The following SETD9 variants were observed in gnomAD, a reference collection of about 807,000 sequenced individuals.
The protein encoded by SETD9 is SET domain-containing protein 9.
Under a neutral mutation model 36.4 loss-of-function variants are expected in SETD9, and 37 were observed. The observed-to-expected ratio is 1.02, with a 90% CI of 0.78 to 1.34. The LOEUF is 1.34. Ranked by LOEUF, SETD9 falls within the 40% of genes most tolerant of loss-of-function variation. SETD9 has a pLI of 0.00. For synonymous variants in SETD9, 128 were observed against 132.9 expected (o/e 0.96, Z 0.26); for missense variants, 323 against 353.2 (o/e 0.91, Z 0.69).
chr5:56,923,946 T>C, intron 5 of SETD9: 1 of 1,614,138 alleles, frequency 6.2e-7, no homozygotes, highest in Non-Finnish European at 8.5e-7. Context: ...TATCTTTTTT[T>C]CCCAAATCTT....
In SETD9 at chr5:56,916,815, C is replaced by T. The variant is rs937473220; in HGVS notation, c.813C>T (p.Ser271=). ...CTTTTGTATATCTTTTTGTTTTCAG[C>T]CCACTTCGATGTGTTGTTCTTGTCG... ...PNIAYSYDKQ[S]PLRCVVLVAL... Residue 271 remains serine (S), a splice_region_variant and synonymous_variant, in exon 6 of 6, where the codon AGC becomes AGT. Transcript: ENST00000285947. 6.2e-7 allele frequency: 1 copy of T among 1,600,024 alleles called. No homozygotes were observed. The highest frequency in any genetic ancestry group is 8.5e-7 in the Non-Finnish European group (1 of 1,175,440).
Position 56,914,942 on chromosome 5 carries a change from T to C in SETD9, c.788T>C (p.Ile263Thr). The change falls in exon 5 of 6, where the codon ATT (isoleucine) becomes ACT (threonine). Residue 263 changes from isoleucine to threonine, a missense_variant. Ile to Thr is a moderately conservative substitution (Grantham distance 89). Coordinates refer to ENST00000285947, the MANE Select transcript of SETD9 (RefSeq NM_153706.4). ...GAACTGAAGCAGTATCTTCCAAACATTGCCTACAGCTATGACAAACAAAGG... is the reference window on the plus strand; with the variant it reads ...GAACTGAAGCAGTATCTTCCAAACACTGCCTACAGCTATGACAAACAAAGG... ...PIELKQYLPN[I>T]AYSYDKQSPL... 6.3e-7 allele frequency: 1 copy of C among 1,595,282 alleles called. No individual in the cohort carries two copies. Among genetic ancestry groups the C allele is most frequent in the Non-Finnish European group, 8.6e-7 (1 of 1,167,292 alleles).
intron 3 of SETD9, 51 bp from the exon 4 acceptor site, chr5:56,913,823 G>T: frequency 8.9e-7 from 1 of 1,117,836 alleles, no homozygotes; most frequent in South Asian, 1.3e-5. Flanking sequence ...TGTATTTTAG[G>T]ATTCTATTTT....
chr5:56,922,364 A>C (rs1749711019), intron 5 of SETD9: 1 of 152,536 alleles, frequency 6.6e-6, no homozygotes, highest in Non-Finnish European at 1.5e-5. Flanking sequence ...CCAATAAATG[A>C]AGTTACACAG....
chr5:56,919,099 A>G (rs997885032), downstream of SETD9, among the ~76,000 whole-genome samples: 1 of 151,442 alleles, frequency 6.6e-6, no homozygotes, highest in African/African-American at 2.4e-5. Flanking sequence ...GAATTAAACT[A>G]AAAGTATAAT....
intron 1 of SETD9, chr5:56,910,867 A>G (rs1490245716): frequency 1.5e-5 from 3 of 196,720 alleles, no homozygotes; most frequent in Non-Finnish European, 3.2e-5. Context: ...TGGCTTTGGG[A>G]CCTTGAACAA....
intron 5 of SETD9, 67 bp downstream of exon 5, chr5:56,915,033 A>C: frequency 8.3e-7 from 1 of 1,210,926 alleles, no homozygotes; most frequent in East Asian, 2.7e-5. Context: ...ATAGAAGAAA[A>C]AGCTATGTAG....
intron 2 of SETD9, 22 bp downstream of exon 2, chr5:56,911,558 T>C (rs1182587140): frequency 5.3e-6 from 8 of 1,503,332 alleles, no homozygotes; most frequent in Non-Finnish European, 7.1e-6. Context: ...ATTAATATTA[T>C]ACTTTGCCAA....
At chr5:56,922,781 C>CGCCG in intron 5 of SETD9, 5 of 264,694 alleles carry the variant, frequency 1.9e-5, no homozygotes, top group South Asian at 5.6e-5. Flanking sequence ...TGGCCTCTGT[C>CGCCG]TACAGGTTTT....
intron 1 of SETD9, chr5:56,910,507 A>G: frequency 1.1e-6 from 1 of 949,212 alleles, no homozygotes; most frequent in Non-Finnish European, 1.4e-6. Context: ...AGGGAAACAA[A>G]GCGGTTTCCG....
Position 56,916,967 on chromosome 5 carries a change from C to A in SETD9, c.*65C>A. ...TTAATTCTAAGTGTTTTTTGTTAAT[C>A]ACTTCTCTGAGTTCTACCTGTAAAA... On this transcript the variant is annotated 3_prime_UTR_variant, in exon 6 of 6. Transcript: ENST00000285947. 6.6e-7 allele frequency: 1 copy of A among 1,512,972 alleles called. No individual in the cohort carries two copies. The highest frequency in any genetic ancestry group is 8.8e-7 in the Non-Finnish European group (1 of 1,137,378). The allele number at this position is 1,512,972 out of a possible 1,614,324, so 93.7% of individuals were successfully genotyped here.
In SETD9 at chr5:56,911,280, A is replaced by G; in HGVS notation, c.210A>G (p.Lys70=). The G allele has an allele frequency of 6.2e-7, 1 of 1,612,008 alleles. No homozygotes were observed. The highest frequency in any genetic ancestry group is 8.5e-7 in the Non-Finnish European group (1 of 1,179,298). ...CTCTATTCTTAAATGATTTCAATAA[A>G]CAATCAGAAATCTTGTCTATGCTTC... ...FQALFLNDFN[K]QSEILSMLPE... Residue 70 remains lysine, a synonymous_variant, in exon 2 of 6, where the codon AAA becomes AAG. Transcript: ENST00000285947.
chr5:56,925,882 G>A (rs900914568), downstream of SETD9, among the ~76,000 whole-genome samples: 1 of 151,940 alleles, frequency 6.6e-6, no homozygotes, highest in Non-Finnish European at 1.5e-5. Flanking sequence ...TATGGTATTG[G>A]GGGGGTGGGG....
intron 2 of SETD9, among the ~76,000 whole-genome samples, chr5:56,911,959 G>C (rs1412001784): frequency 6.6e-6 from 1 of 152,148 alleles, no homozygotes; most frequent in African/African-American, 2.4e-5. Context: ...TTTGAGACCA[G>C]TCTGGCCAAC....
chr5:56,924,263 T>TA (rs947321844), intron 5 of SETD9, among the ~76,000 whole-genome samples: 16 of 152,002 alleles, frequency 1.1e-4, no homozygotes, highest in South Asian at 6.2e-4. Flanking sequence ...GTTTTTTTTT[T>TA]AAAAAAATCA....
chr5:56,913,442 A>G (rs1749259583), intron 3 of SETD9, among the ~76,000 whole-genome samples: 1 of 150,074 alleles, frequency 6.7e-6, no homozygotes, highest in Non-Finnish European at 1.5e-5. Context: ...GGAGTGCAAC[A>G]GTGCGGTCTC....
chr5:56,923,470 T>C, intron 5 of SETD9: 1 of 1,614,168 alleles, frequency 6.2e-7, no homozygotes, highest in South Asian at 1.1e-5. Context: ...ACTCTTCTGT[T>C]ACAACAGGCA....
At chr5:56,913,452 C>T (rs1296964362) in intron 3 of SETD9, among the ~76,000 whole-genome samples, 1 of 150,988 alleles carries the variant, frequency 6.6e-6, no homozygotes, top group Admixed American at 6.6e-5. Context: ...AGTGCGGTCT[C>T]TGCTCACTGC....
At chr5:56,926,250 TAATTAA>T (rs1373640669), downstream of SETD9, among the ~76,000 whole-genome samples, 6 of 149,734 alleles carry the variant, frequency 4.0e-5, no homozygotes, top group South Asian at 2.2e-4. Flanking sequence ...AAGTTGGACA[TAATTAA>T]AATTAAAAAC....
Sources: gnomAD v4.1 joint callset for allele counts (sites outside exome capture counted in the v4.1 genomes callset) on GRCh38, gnomAD v4.1.1 for gene constraint, MANE v1.5 for transcripts, NCBI Gene and HGNC (gene_info 2026-07-23, HGNC 2026-07-21) for gene names.